The following BRWD3 variants were observed in gnomAD, a reference collection of about 807,000 sequenced individuals.
BRWD3 encodes the protein bromodomain and WD repeat domain containing 3, also known as bromodomain and WD repeat-containing protein 3.
A neutral mutation model predicts 149.7 loss-of-function variants in BRWD3; 10 were observed. The observed-to-expected ratio is 0.07, with a 90% CI of 0.04 to 0.11. The LOEUF (loss-of-function observed/expected upper bound fraction) is 0.11. BRWD3 is among the 10% of genes least tolerant of loss of function. The pLI, the probability that BRWD3 is intolerant of heterozygous loss-of-function variation, is 1.00. For missense variants in BRWD3, 940 were observed against 1,373.2 expected (o/e 0.68, Z 4.99); for synonymous variants, 504 against 456.7 (o/e 1.10, Z -1.32).
intron 14 of BRWD3, among the ~76,000 whole-genome samples, chrX:80,725,833 G>A (rs1166376341): frequency 1.0e-5 from 1 of 96,510 alleles, no homozygotes; most frequent in Non-Finnish European, 2.0e-5. Context: ...AACATAACAT[G>A]TTTACATGTG....
At chrX:80,808,490 A>C in intron 4 of BRWD3, 49 bp downstream of exon 4, 1 of 1,032,851 alleles carries the variant, frequency 9.7e-7, no homozygotes, top group Non-Finnish European at 1.3e-6. Flanking sequence ...CAAGGTGGGG[A>C]GGGAGTGGTG....
At chrX:80,799,229 T>C (rs1043858325) in intron 4 of BRWD3, among the ~76,000 whole-genome samples, 1 of 111,820 alleles carries the variant, frequency 8.9e-6, no homozygotes, top group South Asian at 3.7e-4. Flanking sequence ...GATGATACTA[T>C]TCATCATAAT....
At position 80,719,536 on chromosome X, in the gene BRWD3, CCTT is replaced by C; in HGVS notation, c.1994_1996del (p.Glu665del). ...ATTAACTGGTAAATGTGGAACATCT[CCTT>C]CATTAATTAGTCTCAGGTCTTGTTC... On this transcript the variant is annotated inframe_deletion, in exon 18 of 41. Transcript: ENST00000373275. The C allele has an allele frequency of 5.0e-6, 6 of 1,209,014 alleles. No individual in the cohort carries two copies.
chrX:80,726,172 A>G (rs923714342), intron 14 of BRWD3, among the ~76,000 whole-genome samples: 25 of 107,275 alleles, frequency 2.3e-4, no homozygotes, highest in African/African-American at 7.7e-4. Context: ...TACATGTTAT[A>G]TGTCTGTATA....
chrX:80,795,364 C>T lies in BRWD3; in HGVS notation c.181-1592G>A, dbSNP rs954480565. On this transcript the variant is annotated intron_variant, in intron 4 of 40. Transcript: ENST00000373275. ...TTGTGTATATATATACACACACACA[C>T]ACATGTGTATATATACACACATATA... is the stretch of plus-strand genomic sequence containing the variant. Among the ~76,000 whole-genome samples, 13 of 109,243 alleles carry T rather than the reference C, an allele frequency of 1.2e-4. 1 individual carries two copies. The highest frequency in any genetic ancestry group is 2.3e-4 in the Non-Finnish European group (12 of 52,545). 94.9% of individuals were successfully genotyped at this position (109,243 alleles called of 115,157 possible). A position where few individuals can be genotyped will look rare whatever the true frequency, so the allele number is the denominator to read the frequency against.
intron 10 of BRWD3, 92 bp downstream of exon 10, chrX:80,735,035 C>T (rs2073384039): frequency 1.2e-6 from 1 of 807,260 alleles, no homozygotes; most frequent in African/African-American, 2.0e-5. Flanking sequence ...TCAATTAACA[C>T]TCAAATGTGT....
chrX:80,696,673 C>T, intron 26 of BRWD3, 66 bp downstream of exon 26: 4 of 1,149,624 alleles, frequency 3.5e-6, no homozygotes, highest in Middle Eastern at 2.4e-4. Context: ...GAGCACTGTA[C>T]TCTAAAATAT....
intron 16 of BRWD3, 92 bp from the exon 17 acceptor site, chrX:80,722,879 C>T: frequency 1.2e-6 from 1 of 823,332 alleles, no homozygotes; most frequent in Non-Finnish European, 1.8e-6. Flanking sequence ...TTTTTTAAAT[C>T]AGAGAATCTT....
chrX:80,710,286 G>C (rs770795946), intron 20 of BRWD3: 131 of 346,659 alleles, frequency 3.8e-4, no homozygotes, highest in Non-Finnish European at 5.9e-4. Context: ...CAACAATATG[G>C]CTGGAGACCA....
intron 8 of BRWD3, among the ~76,000 whole-genome samples, chrX:80,739,055 G>A (rs2073446786): frequency 8.9e-6 from 1 of 111,823 alleles, no homozygotes; most frequent in Admixed American, 9.5e-5. Flanking sequence ...GGGTGCAGGG[G>A]AAAGGGAATG....
At chrX:80,773,199 T>A (rs972191687) in intron 6 of BRWD3, among the ~76,000 whole-genome samples, 1 of 111,465 alleles carries the variant, frequency 9.0e-6, no homozygotes, top group Non-Finnish European at 1.9e-5. Flanking sequence ...TGTACAGAAC[T>A]TAGCATGCAA....
chrX:80,710,027 C>T lies in BRWD3; in HGVS notation c.2326-450G>A. ...TAAACAAGGTTCAGCCACAGTTGGT[C>T]TGAAATCAAAAACCCATGCAGTATT... On this transcript the variant is annotated intron_variant, in intron 20 of 40. Transcript: ENST00000373275. 3 of 1,146,003 alleles carry T rather than the reference C, an allele frequency of 2.6e-6. No homozygotes were observed. The South Asian group carries it at 5.4e-5, about 21-fold the overall frequency. 94.4% of individuals were successfully genotyped at this position (1,146,003 alleles called of 1,213,427 possible). A position where few individuals can be genotyped will look rare whatever the true frequency, so the allele number is the denominator to read the frequency against.
chrX:80,804,132 A>G (rs1215016612), intron 4 of BRWD3, among the ~76,000 whole-genome samples: 1 of 112,565 alleles, frequency 8.9e-6, no homozygotes, highest in Non-Finnish European at 1.9e-5. Context: ...AATACAATCT[A>G]TGTCATTCCA....
chrX:80,758,340 C>T (rs1478844627), intron 6 of BRWD3, among the ~76,000 whole-genome samples: 1 of 112,062 alleles, frequency 8.9e-6, no homozygotes, highest in Non-Finnish European at 1.9e-5. Flanking sequence ...AAGTGATCTA[C>T]AAAAATATAT....
chrX:80,770,759 A>G (rs1225842454), intron 6 of BRWD3, among the ~76,000 whole-genome samples: 1 of 111,737 alleles, frequency 8.9e-6, no homozygotes, highest in Admixed American at 9.5e-5. Context: ...CAGGGCAATC[A>G]GGCAAGAGAA....
chrX:80,776,130 AG>A (rs2073998364), intron 6 of BRWD3, among the ~76,000 whole-genome samples: 1 of 112,231 alleles, frequency 8.9e-6, no homozygotes, highest in South Asian at 3.7e-4. Context: ...ATAATTTAAC[AG>A]CAAAAATTAT....
intron 8 of BRWD3, among the ~76,000 whole-genome samples, chrX:80,736,623 G>C (rs182036610): frequency 1.8e-5 from 2 of 111,252 alleles, no homozygotes; most frequent in East Asian, 5.6e-4. Flanking sequence ...TAAGCCATTT[G>C]TTTCCATAAA....
chrX:80,803,321 A>G (rs2074321524), intron 4 of BRWD3, among the ~76,000 whole-genome samples: 1 of 111,819 alleles, frequency 8.9e-6, no homozygotes, highest in African/African-American at 3.3e-5. Flanking sequence ...ACAAAATTTC[A>G]TTAAGGCAAG....
At chrX:80,733,308 C>T in intron 12 of BRWD3, 148 bp downstream of exon 12, 3 of 437,127 alleles carry the variant, frequency 6.9e-6, no homozygotes, top group Non-Finnish European at 1.2e-5. Context: ...GAAGTGATGG[C>T]TAAGGATGTC....
Sources: gnomAD v4.1 joint callset for allele counts (sites outside exome capture counted in the v4.1 genomes callset) on GRCh38, gnomAD v4.1.1 for gene constraint, MANE v1.5 for transcripts, NCBI Gene and HGNC (gene_info 2026-07-23, HGNC 2026-07-21) for gene names.